DPP10: variants seen among roughly 807,000 people sequenced by gnomAD.
The protein encoded by DPP10 is dipeptidyl peptidase like 10.
A neutral mutation model predicts 120.9 loss-of-function variants in DPP10; 33 were observed. The observed-to-expected ratio is 0.27, with a 90% CI of 0.21 to 0.37. The LOEUF (loss-of-function observed/expected upper bound fraction) is 0.37, where lower values mean the gene tolerates loss of function less well. DPP10 is among the 10% of genes least tolerant of loss of function. DPP10 has a pLI of 1.00. For synonymous variants in DPP10, 337 were observed against 326.1 expected (o/e 1.03, Z -0.36); for missense variants, 816 against 942.8 (o/e 0.87, Z 1.76).
chr2:115,407,029 A>G (rs1041013865), intron 3 of DPP10, among the ~76,000 whole-genome samples: 4 of 152,176 alleles, frequency 2.6e-5, no homozygotes, highest in Non-Finnish European at 1.5e-5. Flanking sequence ...AATAAAAAAA[A>G]CCCTGTCAGC....
At chr2:115,509,653 A>C (rs538459425) in intron 4 of DPP10, among the ~76,000 whole-genome samples, 16 of 152,120 alleles carry the variant, frequency 1.1e-4, no homozygotes, top group Non-Finnish European at 2.1e-4. Context: ...ACGACAGAGC[A>C]AGACTCTGTC....
intron 1 of DPP10, among the ~76,000 whole-genome samples, chr2:114,553,836 G>A (rs970025510): frequency 6.6e-6 from 1 of 152,122 alleles, no homozygotes; most frequent in African/African-American, 2.4e-5. Context: ...GAATTATTCA[G>A]CAATAATTAA....
Position 115,016,950 on chromosome 2 carries a change from C to T in DPP10, c.61-292289C>T, listed in dbSNP as rs1486114432. On this transcript the variant is annotated intron_variant, in intron 1 of 25. Transcript: ENST00000410059. ...GAAATTATCATTCTCAGTAAACTAT[C>T]GCAAGGACAGAAAACCAAACACCGC... Among the ~76,000 whole-genome samples, 6 of 151,276 alleles carry T rather than the reference C, an allele frequency of 4.0e-5. No homozygotes were observed. The South Asian group carries it at 6.3e-4, about 16-fold the overall frequency.
rs542034083 is a variant in DPP10, at chr2:115,056,262, C to A, written c.61-252977C>A. On this transcript the variant is annotated intron_variant, in intron 1 of 25. Transcript: ENST00000410059. ...AGTCAAGGATACTATTGTGTGGAGA[C>A]CAGCATGAGCAAAAGAATAGACCCA... is the stretch of plus-strand genomic sequence containing the variant. Among the ~76,000 whole-genome samples, 8 of 152,138 alleles carry A rather than the reference C, an allele frequency of 5.3e-5. No individual in the cohort carries two copies. In the East Asian group the frequency reaches 1.4e-3, roughly 26 times the overall value.
chr2:115,584,392 T>G (rs185913180), intron 5 of DPP10, among the ~76,000 whole-genome samples: 23 of 151,606 alleles, frequency 1.5e-4, no homozygotes, highest in African/African-American at 5.3e-4. Context: ...AAGGGAGGGA[T>G]GGATTATGGA....
chr2:114,588,451 C>A (rs1234002822), intron 1 of DPP10, among the ~76,000 whole-genome samples: 1 of 152,094 alleles, frequency 6.6e-6, no homozygotes, highest in African/African-American at 2.4e-5. Context: ...TATAGCATTG[C>A]AGGATGACTA....
chr2:114,489,397 A>G (rs1244490965), intron 1 of DPP10, among the ~76,000 whole-genome samples: 2 of 152,206 alleles, frequency 1.3e-5, no homozygotes, highest in Admixed American at 1.3e-4. Flanking sequence ...ATGAGCAGAA[A>G]CAGCTGCATT....
At chr2:114,752,057 T>C (rs1159693478) in intron 1 of DPP10, among the ~76,000 whole-genome samples, 2 of 152,192 alleles carry the variant, frequency 1.3e-5, no homozygotes, top group Non-Finnish European at 2.9e-5. Context: ...CCAGAATTTA[T>C]GAGGCAGTTG....
chr2:115,825,085 C>T lies in DPP10; in HGVS notation c.1950+9356C>T, dbSNP rs186764338. ...TAAATTCTAAAAGTTGCAACTATTA[C>T]GTAAAATGGGACCTAATGATATTTC... is the stretch of plus-strand genomic sequence containing the variant. On this transcript the variant is annotated intron_variant, in intron 21 of 25. Transcript: ENST00000410059. Among the ~76,000 whole-genome samples the T allele has an allele frequency of 1.9e-3, 284 of 152,210 alleles. 5 individuals are homozygous for T. The highest frequency in any genetic ancestry group is 3.2e-4 in the Non-Finnish European group (22 of 67,992).
intron 1 of DPP10, among the ~76,000 whole-genome samples, chr2:115,186,966 C>G (rs2054485990): frequency 6.8e-6 from 1 of 147,000 alleles, no homozygotes; most frequent in Admixed American, 6.8e-5. Flanking sequence ...AATCATGGTC[C>G]ACAATTCTGC....
At chr2:114,948,878 TC>T (rs905623758) in intron 1 of DPP10, among the ~76,000 whole-genome samples, 71 of 151,920 alleles carry the variant, frequency 4.7e-4, no homozygotes, top group African/African-American at 1.4e-3. Context: ...AGCACCTCCT[TC>T]ACAAGGCAGC....
intron 3 of DPP10, among the ~76,000 whole-genome samples, chr2:115,474,723 T>G (rs867191030): frequency 5.1e-3 from 326 of 63,876 alleles, no homozygotes; most frequent in Admixed American, 9.4e-3. Flanking sequence ...CCTGACCATG[T>G]GATAGAAAAA....
intron 1 of DPP10, among the ~76,000 whole-genome samples, chr2:114,711,645 C>A (rs1701037645): frequency 6.6e-6 from 1 of 152,132 alleles, no homozygotes; most frequent in African/African-American, 2.4e-5. Flanking sequence ...ATAGAAGAAC[C>A]AACCTGACCC....
At chr2:115,802,548 G>T (rs970587154) in intron 19 of DPP10, among the ~76,000 whole-genome samples, 2 of 152,162 alleles carry the variant, frequency 1.3e-5, no homozygotes, top group Admixed American at 6.5e-5. Context: ...GATCTTTCCT[G>T]CTTTCTGTTG....
intron 3 of DPP10, among the ~76,000 whole-genome samples, chr2:115,384,379 A>G (rs1232263357): frequency 7.1e-6 from 1 of 141,190 alleles, no homozygotes; most frequent in South Asian, 2.3e-4. Flanking sequence ...GTCTCAGAAA[A>G]GCAGAAGCAG....
chr2:114,772,667 T>C (rs905333826), intron 1 of DPP10, among the ~76,000 whole-genome samples: 1 of 152,108 alleles, frequency 6.6e-6, no homozygotes, highest in Non-Finnish European at 1.5e-5. Flanking sequence ...CATACCTTTT[T>C]TTTTTTTCAG....
chr2:115,087,970 T>C (rs1708864996), intron 1 of DPP10, among the ~76,000 whole-genome samples: 1 of 152,194 alleles, frequency 6.6e-6, no homozygotes, highest in Non-Finnish European at 1.5e-5. Context: ...ACACAGACCT[T>C]TATTTTTCAC....
chr2:115,153,589 G>T (rs1160582769), intron 1 of DPP10, among the ~76,000 whole-genome samples: 2 of 152,046 alleles, frequency 1.3e-5, no homozygotes, highest in Non-Finnish European at 2.9e-5. Flanking sequence ...TTGTACATTT[G>T]GTTCTGATAT....
chr2:115,497,665 T>TA (rs5833602), intron 3 of DPP10, among the ~76,000 whole-genome samples: 31,652 of 151,822 alleles, frequency 0.21, 3,875 homozygotes, highest in East Asian at 0.39. Context: ...GAGAATATTT[T>TA]AAAAAATTCA....
Sources: gnomAD v4.1 joint callset for allele counts (sites outside exome capture counted in the v4.1 genomes callset) on GRCh38, gnomAD v4.1.1 for gene constraint, MANE v1.5 for transcripts, NCBI Gene and HGNC (gene_info 2026-07-23, HGNC 2026-07-21) for gene names.